Variants in ZMYND11 observed in about 807,000 individuals in gnomAD.
ZMYND11 encodes the protein zinc finger MYND-type containing 11, also known as zinc finger MYND domain-containing protein 11.
ZMYND11 carries 9 observed loss-of-function variants against 84.9 expected under a neutral mutation model. That is an observed-to-expected ratio of 0.11 (90% confidence interval 0.06 to 0.18). ZMYND11 has a LOEUF of 0.18. Among genes scored for constraint, ZMYND11 ranks in the 10% least tolerant of loss-of-function variants. The probability of loss-of-function intolerance (pLI) is 1.00; values close to 1 mark genes in which losing one functional copy is unlikely to be tolerated. For synonymous variants in ZMYND11, 250 were observed against 244.1 expected (o/e 1.02, Z -0.23); for missense variants, 409 against 761.0 (o/e 0.54, Z 5.44).
chr10:247,136 T>A, intron 11 of ZMYND11, 163 bp downstream of exon 11: 1 of 795,580 alleles, frequency 1.3e-6, no homozygotes, highest in Non-Finnish European at 2.0e-6. Context: ...TTCAAATGAA[T>A]ACATAGATGT....
At chr10:169,303 G>A (rs781975279) in intron 1 of ZMYND11, among the ~76,000 whole-genome samples, 72 of 151,982 alleles carry the variant, frequency 4.7e-4, no homozygotes, top group Admixed American at 3.6e-3. Flanking sequence ...GGACTAAGAC[G>A]GCCTCCCTTC....
intron 2 of ZMYND11, among the ~76,000 whole-genome samples, chr10:187,633 CAAA>C (rs55992888): frequency 9.2e-4 from 125 of 136,194 alleles, no homozygotes; most frequent in East Asian, 4.9e-3. Context: ...GACTCCGTCT[CAAA>C]AAAAAAAAAA....
chr10:133,892 A>C (rs1835400971), upstream of ZMYND11, among the ~76,000 whole-genome samples: 1 of 152,242 alleles, frequency 6.6e-6, no homozygotes, highest in Non-Finnish European at 1.5e-5. Context: ...ATAGCATGAA[A>C]GATTGTGTTT....
intron 1 of ZMYND11, among the ~76,000 whole-genome samples, chr10:140,921 C>G (rs1837352917): frequency 6.6e-6 from 1 of 152,042 alleles, no homozygotes; most frequent in South Asian, 2.1e-4. Flanking sequence ...TTATGTAAAA[C>G]TAAAGAAGTA....
Position 162,217 on chromosome 10 carries a change from T to C in ZMYND11, c.-19-17777T>C, listed in dbSNP as rs924438477. 2.0e-5 allele frequency among the ~76,000 whole-genome samples: 3 copies of C among 152,324 alleles called. No individual in the cohort carries two copies. In the East Asian group the frequency reaches 5.8e-4, roughly 29 times the overall value. On this transcript the variant is annotated intron_variant, in intron 1 of 14. Transcript: ENST00000381604. ...GGGCAGTCAGAACACACACAACATT[T>C]ATTGATTAAGTTCACTATCTTACAT...
chr10:191,445 C>G (rs529065462), intron 2 of ZMYND11, among the ~76,000 whole-genome samples: 1 of 152,126 alleles, frequency 6.6e-6, no homozygotes, highest in Non-Finnish European at 1.5e-5. Flanking sequence ...TAAATTAGCC[C>G]CACCTTATAG....
intron 2 of ZMYND11, among the ~76,000 whole-genome samples, chr10:188,276 A>C (rs1421989202): frequency 6.6e-6 from 1 of 152,124 alleles, no homozygotes; most frequent in Non-Finnish European, 1.5e-5. Context: ...TGAAATTTAA[A>C]CTTTGAATCA....
At chr10:181,102 A>T (rs1016863380) in intron 2 of ZMYND11, among the ~76,000 whole-genome samples, 1 of 152,220 alleles carries the variant, frequency 6.6e-6, no homozygotes, top group South Asian at 2.1e-4. Flanking sequence ...TAAAGATATA[A>T]AGCTAAATTT....
At chr10:179,922 T>C in intron 1 of ZMYND11, 72 bp from the exon 2 acceptor site, 1 of 840,992 alleles carries the variant, frequency 1.2e-6, no homozygotes. Context: ...GTCCTGATAA[T>C]GTTACTCACT....
intron 3 of ZMYND11, among the ~76,000 whole-genome samples, chr10:210,443 C>G (rs1944996751): frequency 1.3e-5 from 2 of 152,162 alleles, no homozygotes; most frequent in Admixed American, 6.5e-5. Context: ...AGCCTCAGTT[C>G]AGGTAGGATG....
intron 2 of ZMYND11, among the ~76,000 whole-genome samples, chr10:195,542 T>C (rs891533589): frequency 6.6e-6 from 1 of 152,190 alleles, no homozygotes; most frequent in Non-Finnish European, 1.5e-5. Flanking sequence ...TTCAGATACA[T>C]AATATTAAGA....
At chr10:202,267 GT>G (rs1477150487) in intron 2 of ZMYND11, among the ~76,000 whole-genome samples, 1 of 152,020 alleles carries the variant, frequency 6.6e-6, no homozygotes, top group Non-Finnish European at 1.5e-5. Flanking sequence ...TTCTGGCTCG[GT>G]TCTAACCTTT....
chr10:150,469 C>T (rs1554756662), intron 1 of ZMYND11, among the ~76,000 whole-genome samples: 1 of 152,208 alleles, frequency 6.6e-6, no homozygotes, highest in Non-Finnish European at 1.5e-5. Flanking sequence ...TCCCCTTTAT[C>T]ATTTTTAATT....
intron 1 of ZMYND11, among the ~76,000 whole-genome samples, chr10:164,234 T>G (rs1554763014): frequency 6.6e-6 from 1 of 152,182 alleles, no homozygotes; most frequent in Non-Finnish European, 1.5e-5. Context: ...CCTTTCTGCT[T>G]CAAACATACC....
chr10:168,073 T>C (rs940583495), intron 1 of ZMYND11, among the ~76,000 whole-genome samples: 4 of 152,164 alleles, frequency 2.6e-5, no homozygotes, highest in African/African-American at 9.7e-5. Flanking sequence ...TAGCATCTAC[T>C]TTATGGTAAA....
At chr10:171,168 A>G (rs1845222322) in intron 1 of ZMYND11, among the ~76,000 whole-genome samples, 1 of 152,176 alleles carries the variant, frequency 6.6e-6, no homozygotes, top group African/African-American at 2.4e-5. Context: ...ATCAGAATAT[A>G]TGACACAAAA....
At chr10:235,248 T>C (rs941682584) in intron 4 of ZMYND11, among the ~76,000 whole-genome samples, 2 of 152,214 alleles carry the variant, frequency 1.3e-5, no homozygotes, top group African/African-American at 4.8e-5. Context: ...TAAAGTTTTA[T>C]CTCTCAACAG....
rs1423213746 is a variant in ZMYND11, at chr10:135,727, C to T, written c.-20+168C>T. On this transcript the variant is annotated intron_variant, in intron 1 of 14. Coordinates refer to ENST00000381604, the MANE Select transcript of ZMYND11 (RefSeq NM_001370100.5). This position sits in a 1 kb window ranked among gnomAD's most constrained non-coding sequence, Gnocchi z 5.6. ...CGAAGAGCTCCGAGCTGCCGGGGAG[C>T]TTTGTGGATGGCGGGGCGGGCCGGG... is the stretch of plus-strand genomic sequence containing the variant. 1.4e-5 allele frequency among the ~76,000 whole-genome samples: 2 copies of T among 145,776 alleles called. No individual in the cohort carries two copies. The highest frequency in any genetic ancestry group is 4.1e-4 in the East Asian group (2 of 4,922).
rs536778146 is a variant in ZMYND11 at position 184,524 on chromosome 10, C to T, written c.116+4396C>T. The stretch of plus-strand genomic sequence containing the variant: ...TTCATTTCTGAAGTGATTTTTTTTC[C>T]ATTTACTTCAAATGTTTAACTCAGA... On this transcript the variant is annotated intron_variant, in intron 2 of 14. Transcript: ENST00000381604. 2.1e-4 allele frequency among the ~76,000 whole-genome samples: 32 copies of T among 150,976 alleles called. No homozygotes were observed. In the South Asian group the frequency reaches 3.8e-3, roughly 18 times the overall value.
Sources: allele counts gnomAD v4.1 joint callset (sites outside exome capture counted in the v4.1 genomes callset), GRCh38; gene constraint gnomAD v4.1.1; non-coding constraint Gnocchi (gnomAD v3.1); transcripts MANE v1.5; gene names NCBI Gene and HGNC (gene_info 2026-07-23, HGNC 2026-07-21).